Variants in APTX observed in about 807,000 individuals in gnomAD.
APTX encodes the protein forkhead-associated domain histidine triad-like protein.
In APTX, 33 loss-of-function variants were observed where a neutral mutation model predicts 42.3. The observed-to-expected ratio is 0.78, with a 90% CI of 0.59 to 1.04. The LOEUF is 1.04. Ranked by LOEUF, APTX falls within the 50% of genes least tolerant of loss-of-function variation. The pLI, the probability that APTX is intolerant of heterozygous loss-of-function variation, is 0.00. For missense variants in APTX, 421 were observed against 415.1 expected (o/e 1.01, Z -0.12); for synonymous variants, 130 against 146.7 (o/e 0.89, Z 0.82).
At chr9:33,008,347 A>G (rs1837304873) in intron 1 of APTX, among the ~76,000 whole-genome samples, 1 of 151,992 alleles carries the variant, frequency 6.6e-6, no homozygotes, top group Non-Finnish European at 1.5e-5. Flanking sequence ...ATATTTCTGT[A>G]AATATAACCT....
Position 33,015,549 on chromosome 9 carries a change from G to C in APTX, c.-5+9474C>G, listed in dbSNP as rs191503622. On this transcript the variant is annotated intron_variant, in intron 1 of 6. Transcript: ENST00000436040. ...AATTTTTGTATTTTTAGTAGAGACA[G>C]GGTTTCACCATGTTGGCCAGGCTGG... 3.3e-5 allele frequency among the ~76,000 whole-genome samples: 5 copies of C among 152,162 alleles called. No individual in the cohort carries two copies. The East Asian group carries it at 7.9e-4, about 24-fold the overall frequency.
rs770579215 is a variant in APTX, at chr9:32,984,842, G to A, written c.559C>T (p.Gln187Ter). 6 of 1,613,950 alleles carry A rather than the reference G, an allele frequency of 3.7e-6. No homozygotes were observed. Among genetic ancestry groups the A allele is most frequent in the Non-Finnish European group, 5.1e-6 (6 of 1,179,932 alleles). ...TATTTATCCTTTATCACCACCACCT[G>A]CTCATCTTTGTAAACCTAGCAGAGG... ...DPKMQVYKDE[Q>*]VVVIKDKYPK... is the part of the protein sequence containing the mutation. The change falls in exon 6 of 8, where the codon CAG (glutamine) becomes TAG (stop). Residue 187 changes from glutamine to a stop codon, truncating the protein, a stop_gained. Transcript: ENST00000379817. LOFTEE classifies it high-confidence loss of function.
intron 1 of APTX, among the ~76,000 whole-genome samples, chr9:32,994,350 C>T (rs1318197892): frequency 6.6e-6 from 1 of 152,124 alleles, no homozygotes; most frequent in African/African-American, 2.4e-5. Flanking sequence ...TGCCCTGATC[C>T]ATCTCAAGTC....
Position 32,989,770 on chromosome 9 carries a change from G to A in APTX, c.122C>T (p.Ser41Phe), listed in dbSNP as rs1024283851. The change falls in exon 2 of 8, where the codon TCT (serine) becomes TTT (phenylalanine). Residue 41 changes from serine to phenylalanine, a missense_variant. Transcript: ENST00000379817. ...PETKITDKKC[S>F]RQQVQLKAEC... ...CTATGACCAGTTACCTTGCTGTCGA[G>A]AACATTTCTTATCAGTGATCTTGGT... 6.2e-7 allele frequency: 1 copy of A among 1,614,212 alleles called. No individual in the cohort carries two copies. The highest frequency in any genetic ancestry group is 1.3e-5 in the African/African-American group (1 of 75,038).
intron 6 of APTX, among the ~76,000 whole-genome samples, chr9:32,981,131 A>G (rs1830587765): frequency 6.6e-6 from 1 of 152,220 alleles, no homozygotes; most frequent in Non-Finnish European, 1.5e-5. Context: ...GCTAAAAACA[A>G]AAAGAACTAT....
chr9:32,996,371 G>C (rs1214534727), intron 1 of APTX, among the ~76,000 whole-genome samples: 1 of 151,732 alleles, frequency 6.6e-6, no homozygotes, highest in Non-Finnish European at 1.5e-5. Context: ...ACTTCCTTGG[G>C]CTAAAGTGGT....
Position 33,015,188 on chromosome 9 carries a change from C to T in APTX, c.-5+9835G>A, listed in dbSNP as rs150131926. On this transcript the variant is annotated intron_variant, in intron 1 of 6. Coordinates refer to the APTX transcript ENST00000436040. ...GTATCCTTGGAAGTGGCTGTAAACC[C>T]TTCTGGATGAAAGCATTGCCTTCAA... is the stretch of plus-strand genomic sequence containing the variant. Among the ~76,000 whole-genome samples the T allele has an allele frequency of 1.1e-3, 169 of 152,280 alleles. 1 individual carries two copies. Among genetic ancestry groups the T allele is most frequent in the African/African-American group, 3.9e-3 (163 of 41,552 alleles).
intron 1 of APTX, among the ~76,000 whole-genome samples, chr9:33,011,809 C>T (rs1015372297): frequency 4.6e-5 from 7 of 152,194 alleles, no homozygotes; most frequent in Non-Finnish European, 8.8e-5. Flanking sequence ...CTGCAGGACA[C>T]GCTCACCTTT....
chr9:32,985,191 G>A (rs1375195673), intron 5 of APTX, among the ~76,000 whole-genome samples: 1 of 152,196 alleles, frequency 6.6e-6, no homozygotes, highest in Non-Finnish European at 1.5e-5. Flanking sequence ...AAATTCAAAA[G>A]CATCCTTCTC....
At chr9:33,018,337 G>T (rs1838070373) in intron 1 of APTX, among the ~76,000 whole-genome samples, 2 of 151,896 alleles carry the variant, frequency 1.3e-5, no homozygotes, top group Non-Finnish European at 2.9e-5. Context: ...GAAGGCCGAG[G>T]TGGGCGGATC....
At chr9:32,984,264 G>C (rs186137359) in intron 6 of APTX, among the ~76,000 whole-genome samples, 142 of 152,302 alleles carry the variant, frequency 9.3e-4, no homozygotes, top group Non-Finnish European at 5.1e-4. Flanking sequence ...GTTTCCTTCA[G>C]AGTAATGGTC....
intron 6 of APTX, among the ~76,000 whole-genome samples, chr9:32,980,609 G>C (rs1441679096): frequency 6.6e-6 from 1 of 152,254 alleles, no homozygotes; most frequent in Non-Finnish European, 1.5e-5. Context: ...GACGGATAGG[G>C]AGGAACATGG....
intron 6 of APTX, among the ~76,000 whole-genome samples, chr9:32,981,538 G>A (rs1237131809): frequency 6.6e-6 from 1 of 152,140 alleles, no homozygotes; most frequent in Non-Finnish European, 1.5e-5. Context: ...GAAACCTAGT[G>A]CCCAAGAAGA....
chr9:32,987,655 T>C lies in APTX; in HGVS notation c.372A>G (p.Ile124Met). The C allele has an allele frequency of 6.2e-7, 1 of 1,614,214 alleles. No individual in the cohort carries two copies. Reference sequence around the variant, plus strand: ...CAGCTTCCTGAGCAGCATCCCTTTCTATAGAATCACTGTTGCCTGATCTCT... The same window carrying C: ...CAGCTTCCTGAGCAGCATCCCTTTCCATAGAATCACTGTTGCCTGATCTCT... Reference protein sequence around the residue: ...KRKRSGNSDSIERDAAQEAEA... With the variant: ...KRKRSGNSDSMERDAAQEAEA... Residue 124 changes from isoleucine (I) to methionine (M), a missense_variant, in exon 4 of 8, where the codon ATA (isoleucine) becomes ATG (methionine). By Grantham distance (10) the Ile-to-Met change is conservative. Transcript: ENST00000379817.
chr9:33,004,928 C>T (rs1163295531), upstream of APTX, among the ~76,000 whole-genome samples: 1 of 152,064 alleles, frequency 6.6e-6, no homozygotes, highest in Admixed American at 6.6e-5. Flanking sequence ...GTGTGAGCCA[C>T]TGCGCCCGGC....
Position 32,988,686 on chromosome 9 carries a change from GAAAAAAAAAAAAAA to G in APTX, c.134-571_134-558del, listed in dbSNP as rs201425898. Among the ~76,000 whole-genome samples the G allele has an allele frequency of 2.2e-3, 159 of 70,894 alleles. 1 individual carries two copies. The highest frequency in any genetic ancestry group is 2.0e-3 in the Admixed American group (12 of 6,134). 46.5% of individuals were successfully genotyped at this position (70,894 alleles called of 152,430 possible). A position where few individuals can be genotyped will look rare whatever the true frequency, so the allele number is the denominator to read the frequency against. On this transcript the variant is annotated intron_variant, in intron 2 of 7. Coordinates refer to ENST00000379817, the MANE Select transcript of APTX (RefSeq NM_001195248.2). Reference sequence around the variant, plus strand: ...ACAGAGTGAGACCCTATCTCAGGAGGAAAAAAAAAAAAAAAAAAAAAAAAAAAGATCCATTTCTC... The same window carrying G: ...ACAGAGTGAGACCCTATCTCAGGAGGAAAAAAAAAAAAAGATCCATTTCTC...
intron 1 of APTX, among the ~76,000 whole-genome samples, chr9:33,018,774 G>C (rs1030421125): frequency 6.6e-6 from 1 of 152,122 alleles, no homozygotes; most frequent in Non-Finnish European, 1.5e-5. Context: ...AGCTACTGGG[G>C]AGGCTGAGGC....
chr9:32,984,647 C>G lies in APTX; in HGVS notation c.754G>C (p.Ala252Pro). The change falls in exon 6 of 8, where the codon GCC (alanine) becomes CCC (proline). Residue 252 changes from alanine (A) to proline (P), a missense_variant. Transcript: ENST00000379817. ...SKLRFRLGYH[A>P]IPSMSHVHLH... Reference sequence around the variant, plus strand: ...CTGGCTTACCTCATACTCGGAATGGCGTGGTAGCCCAATCGGAAGCGGAGT... The same window carrying G: ...CTGGCTTACCTCATACTCGGAATGGGGTGGTAGCCCAATCGGAAGCGGAGT... The G allele has an allele frequency of 6.2e-7, 1 of 1,614,146 alleles. No homozygotes were observed. The highest frequency in any genetic ancestry group is 8.5e-7 in the Non-Finnish European group (1 of 1,180,018).
chr9:32,992,077 T>C (rs1833777248), intron 1 of APTX, among the ~76,000 whole-genome samples: 1 of 152,046 alleles, frequency 6.6e-6, no homozygotes, highest in Non-Finnish European at 1.5e-5. Context: ...GATCACCCAA[T>C]GAGGTGAAAC....
Sources: gnomAD v4.1 joint callset for allele counts (sites outside exome capture counted in the v4.1 genomes callset) on GRCh38, gnomAD v4.1.1 for gene constraint, MANE v1.5 for transcripts, NCBI Gene and HGNC (gene_info 2026-07-23, HGNC 2026-07-21) for gene names.